The following CAMK1D variants were observed in gnomAD, a reference collection of about 807,000 sequenced individuals.
The protein encoded by CAMK1D is calcium/calmodulin dependent protein kinase ID.
A neutral mutation model predicts 47.7 loss-of-function variants in CAMK1D; 9 were observed. The observed-to-expected ratio is 0.19, with a 90% CI of 0.11 to 0.33. CAMK1D has a LOEUF of 0.33. CAMK1D is among the 10% of genes least tolerant of loss of function. The pLI, the probability that CAMK1D is intolerant of heterozygous loss-of-function variation, is 1.00. For synonymous variants in CAMK1D, 184 were observed against 184.9 expected (o/e 0.99, Z 0.04); for missense variants, 291 against 488.7 (o/e 0.60, Z 3.81).
chr10:12,799,633 C>T (rs1401642582), intron 6 of CAMK1D, among the ~76,000 whole-genome samples: 1 of 152,230 alleles, frequency 6.6e-6, no homozygotes, highest in Non-Finnish European at 1.5e-5. Flanking sequence ...CTCGTGAGAA[C>T]TAACTCCTCT....
At chr10:12,355,581 T>C (rs948543492) in intron 1 of CAMK1D, among the ~76,000 whole-genome samples, 1 of 151,894 alleles carries the variant, frequency 6.6e-6, no homozygotes, top group Non-Finnish European at 1.5e-5. Flanking sequence ...TTTTCTGGGG[T>C]TACTTAGAAT....
chr10:12,436,121 A>G (rs1832627341), intron 1 of CAMK1D, among the ~76,000 whole-genome samples: 1 of 152,156 alleles, frequency 6.6e-6, no homozygotes, highest in African/African-American at 2.4e-5. Context: ...ACTGAGTGCC[A>G]ATGGCTTTCC....
At chr10:12,751,948 CT>C (rs1836006236) in intron 3 of CAMK1D, among the ~76,000 whole-genome samples, 1 of 151,744 alleles carries the variant, frequency 6.6e-6, no homozygotes, top group Admixed American at 6.6e-5. Context: ...TTTGTCTTTG[CT>C]CTTTCAAAGG....
chr10:12,370,539 A>C (rs1837973431), intron 1 of CAMK1D, among the ~76,000 whole-genome samples: 1 of 152,128 alleles, frequency 6.6e-6, no homozygotes, highest in Admixed American at 6.5e-5. Context: ...CAGTGGGACA[A>C]GATGTGGAGG....
intron 8 of CAMK1D, among the ~76,000 whole-genome samples, chr10:12,818,104 C>G (rs1053291997): frequency 6.6e-6 from 1 of 151,912 alleles, no homozygotes; most frequent in Non-Finnish European, 1.5e-5. Flanking sequence ...GGAGAAAATC[C>G]CCCTAAAAAT....
At chr10:12,573,821 A>G (rs890573027) in intron 2 of CAMK1D, among the ~76,000 whole-genome samples, 2 of 126,684 alleles carry the variant, frequency 1.6e-5, no homozygotes, top group Non-Finnish European at 3.2e-5. Context: ...TGCCTGGCTT[A>G]TTAAAAAAAC....
intron 1 of CAMK1D, among the ~76,000 whole-genome samples, chr10:12,507,475 C>A (rs1408220539): frequency 1.3e-5 from 2 of 152,006 alleles, no homozygotes; most frequent in African/African-American, 4.8e-5. Flanking sequence ...GTTTCTTCTG[C>A]TAGAATAATT....
intron 1 of CAMK1D, among the ~76,000 whole-genome samples, chr10:12,428,853 T>C (rs1208135085): frequency 1.3e-5 from 2 of 152,156 alleles, no homozygotes; most frequent in South Asian, 2.1e-4. Context: ...AGAGACCCCA[T>C]AGAGCTGCCT....
intron 3 of CAMK1D, among the ~76,000 whole-genome samples, chr10:12,670,787 G>A (rs1042527469): frequency 1.8e-4 from 28 of 152,224 alleles, no homozygotes; most frequent in Non-Finnish European, 4.0e-4. Context: ...GACCTCAGGT[G>A]ATCCACCCAC....
At chr10:12,724,852 C>T (rs533172573) in intron 3 of CAMK1D, among the ~76,000 whole-genome samples, 6 of 151,536 alleles carry the variant, frequency 4.0e-5, no homozygotes, top group Admixed American at 3.9e-4. Context: ...TGCACTCCAG[C>T]CTGGGTGACA....
chr10:12,760,923 C>T (rs373790879), intron 3 of CAMK1D, 25 bp from the exon 4 acceptor site: 6 of 1,606,814 alleles, frequency 3.7e-6, no homozygotes, highest in Non-Finnish European at 5.1e-6. Flanking sequence ...TCCTTTCAAA[C>T]TTCTAATATG....
At chr10:12,583,572 T>G (rs1471692343) in intron 2 of CAMK1D, among the ~76,000 whole-genome samples, 2 of 151,906 alleles carry the variant, frequency 1.3e-5, no homozygotes, top group Admixed American at 1.3e-4. Context: ...TGACGTTTCT[T>G]TGGTTTTGTG....
chr10:12,490,740 G>T (rs1255839091), intron 1 of CAMK1D, among the ~76,000 whole-genome samples: 1 of 152,172 alleles, frequency 6.6e-6, no homozygotes, highest in African/African-American at 2.4e-5. Flanking sequence ...AGCTACTCAG[G>T]AGGCTGAGGC....
Position 12,745,751 on chromosome 10 carries a change from C to T in CAMK1D, c.300-15197C>T, listed in dbSNP as rs186319405. On this transcript the variant is annotated intron_variant, in intron 3 of 10. Coordinates refer to ENST00000619168, the MANE Select transcript of CAMK1D (RefSeq NM_153498.4). ...CCGAGTAGCTGGGATTACAGGTGCC[C>T]GCCACCACGCCCAGCTAATTTTTGG... is the stretch of plus-strand genomic sequence containing the variant. 3.4e-3 allele frequency among the ~76,000 whole-genome samples: 517 copies of T among 151,868 alleles called. 1 individual carries two copies. Among genetic ancestry groups the T allele is most frequent in the African/African-American group, 0.012 (492 of 41,418 alleles).
chr10:12,593,258 A>C (rs1838048726), intron 2 of CAMK1D, among the ~76,000 whole-genome samples: 1 of 152,216 alleles, frequency 6.6e-6, no homozygotes, highest in South Asian at 2.1e-4. Flanking sequence ...GTATGATTAC[A>C]TGATGATCAA....
chr10:12,696,898 GTCT>G (rs1289203461), intron 3 of CAMK1D, among the ~76,000 whole-genome samples: 1 of 152,166 alleles, frequency 6.6e-6, no homozygotes, highest in Non-Finnish European at 1.5e-5. Flanking sequence ...CATCTTTGCA[GTCT>G]TCTTTAATAT....
chr10:12,751,368 C>T (rs182690073), intron 3 of CAMK1D, among the ~76,000 whole-genome samples: 1 of 152,342 alleles, frequency 6.6e-6, no homozygotes, highest in Admixed American at 6.5e-5. Context: ...ATCCTTCCAT[C>T]TCAGCCTCCC....
intron 1 of CAMK1D, among the ~76,000 whole-genome samples, chr10:12,471,018 T>G (rs1833730949): frequency 6.6e-6 from 1 of 152,222 alleles, no homozygotes; most frequent in Non-Finnish European, 1.5e-5. Flanking sequence ...TTCCCCTCTT[T>G]CTTTTTTGCT....
intron 3 of CAMK1D, among the ~76,000 whole-genome samples, chr10:12,674,502 A>G (rs984274280): frequency 6.7e-6 from 1 of 149,074 alleles, no homozygotes; most frequent in African/African-American, 2.5e-5. Context: ...TTCAATTCTG[A>G]GTATTGCAGT....
Sources: gnomAD v4.1 joint callset for allele counts (sites outside exome capture counted in the v4.1 genomes callset) on GRCh38, gnomAD v4.1.1 for gene constraint, MANE v1.5 for transcripts, NCBI Gene and HGNC (gene_info 2026-07-23, HGNC 2026-07-21) for gene names.